The following GPHN variants were observed in gnomAD, a reference collection of about 807,000 sequenced individuals.
GPHN encodes gephyrin.
In GPHN, 17 loss-of-function variants were observed where a neutral mutation model predicts 95.5. The observed-to-expected ratio is 0.18, with a 90% CI of 0.12 to 0.27. The LOEUF is 0.27. Ranked by LOEUF, GPHN falls within the 10% of genes least tolerant of loss-of-function variation. GPHN has a pLI of 1.00. For synonymous variants in GPHN, 320 were observed against 322.5 expected (o/e 0.99, Z 0.08); for missense variants, 660 against 978.1 (o/e 0.67, Z 4.34).
the GPHN span, chr14:67,395,402 T>G: frequency 6.2e-7 from 1 of 1,613,536 alleles, no homozygotes; most frequent in Non-Finnish European, 8.5e-7. Flanking sequence ...GGGCACTCAC[T>G]GCAGGCTGAT....
intron 3 of GPHN, among the ~76,000 whole-genome samples, chr14:66,813,168 A>G (rs1016550738): frequency 3.9e-5 from 6 of 152,202 alleles, no homozygotes; most frequent in Admixed American, 1.3e-4. Context: ...ATGTTTTGCT[A>G]ATAGTGCCTA....
At chr14:67,204,578 C>A in the GPHN span, 1 of 1,613,440 alleles carries the variant, frequency 6.2e-7, no homozygotes, top group Non-Finnish European at 8.5e-7. Context: ...GTGCATGATG[C>A]GGAGAACATG....
At chr14:67,593,980 A>G in the GPHN span, 2 of 1,480,062 alleles carry the variant, frequency 1.4e-6, no homozygotes, top group African/African-American at 2.8e-5. Context: ...CACAGACAGT[A>G]AGATTACCAA....
the GPHN span, chr14:67,349,013 GT>G: frequency 6.2e-7 from 1 of 1,607,090 alleles, no homozygotes; most frequent in South Asian, 1.1e-5. Context: ...TCCCCAAAGG[GT>G]TTCTAAAAGG....
the GPHN span, among the ~76,000 whole-genome samples, chr14:67,424,681 C>T: frequency 1.4e-3 from 217 of 151,992 alleles, no homozygotes; most frequent in African/African-American, 4.7e-3. Flanking sequence ...TCTCAGCATC[C>T]GGCATTCTCC....
chr14:67,074,390 T>TG (rs1457250161), intron 11 of GPHN, among the ~76,000 whole-genome samples: 10 of 152,126 alleles, frequency 6.6e-5, no homozygotes, highest in Non-Finnish European at 1.3e-4. Context: ...TGTTATTATT[T>TG]GGGGGCACCA....
chr14:67,518,359 G>A, the GPHN span, among the ~76,000 whole-genome samples: 1 of 152,204 alleles, frequency 6.6e-6, no homozygotes, highest in African/African-American at 2.4e-5. Context: ...CTGCAAAATG[G>A]AAATGGCAAT....
At chr14:66,580,531 A>G (rs971010895) in intron 1 of GPHN, among the ~76,000 whole-genome samples, 4 of 151,864 alleles carry the variant, frequency 2.6e-5, no homozygotes, top group East Asian at 1.9e-4. Context: ...TCACTGGAAT[A>G]TGAAGGATCA....
the GPHN span, among the ~76,000 whole-genome samples, chr14:67,198,735 G>A: frequency 3.9e-5 from 6 of 152,148 alleles, no homozygotes; most frequent in East Asian, 1.9e-4. Context: ...AGATGGTGTC[G>A]GGGAGAAAAG....
the GPHN span, among the ~76,000 whole-genome samples, chr14:67,207,333 G>C: frequency 1.3e-5 from 2 of 152,166 alleles, no homozygotes; most frequent in African/African-American, 2.4e-5. Context: ...TGGCCAGAGA[G>C]AGAGCAAAAG....
the GPHN span, chr14:67,586,653 G>T: frequency 4.4e-6 from 2 of 456,076 alleles, no homozygotes; most frequent in Non-Finnish European, 7.4e-6. Context: ...CTGATTTATT[G>T]TTCCTGACTC....
At chr14:67,267,550 A>G in the GPHN span, among the ~76,000 whole-genome samples, 22 of 152,224 alleles carry the variant, frequency 1.4e-4, no homozygotes, top group Non-Finnish European at 2.1e-4. Flanking sequence ...TGCACCCAGC[A>G]AAATTCAGTA....
At chr14:66,748,663 G>T (rs2058254354) in intron 2 of GPHN, among the ~76,000 whole-genome samples, 2 of 151,936 alleles carry the variant, frequency 1.3e-5, no homozygotes. Flanking sequence ...AATTGTTTCT[G>T]ATTTTGGATT....
the GPHN span, among the ~76,000 whole-genome samples, chr14:67,390,303 G>T: frequency 6.6e-6 from 1 of 152,188 alleles, no homozygotes; most frequent in African/African-American, 2.4e-5. Flanking sequence ...ATCTTTGAAT[G>T]GAAAGTGTGG....
chr14:67,692,716 G>A, the GPHN span: 1 of 1,183,050 alleles, frequency 8.5e-7, no homozygotes, highest in Non-Finnish European at 1.2e-6. Context: ...CACAACAGAG[G>A]TATCTGATTA....
intron 6 of GPHN, among the ~76,000 whole-genome samples, chr14:66,920,045 G>A (rs931632085): frequency 1.3e-5 from 2 of 152,074 alleles, no homozygotes; most frequent in Admixed American, 6.5e-5. Flanking sequence ...CAGCCTGGGC[G>A]ACAGAATGAG....
chr14:66,945,586 A>C (rs1026444968), intron 8 of GPHN, among the ~76,000 whole-genome samples: 2 of 152,200 alleles, frequency 1.3e-5, no homozygotes, highest in Non-Finnish European at 2.9e-5. Flanking sequence ...GAAAGTATTC[A>C]TGTAATCAAA....
chr14:67,563,290 C>T, the GPHN span, among the ~76,000 whole-genome samples: 2 of 152,216 alleles, frequency 1.3e-5, no homozygotes, highest in Non-Finnish European at 2.9e-5. Context: ...CTCTGTGCCT[C>T]AGCTTCCCTG....
At chr14:67,414,249 A>G in the GPHN span, among the ~76,000 whole-genome samples, 1 of 152,200 alleles carries the variant, frequency 6.6e-6, no homozygotes, top group Non-Finnish European at 1.5e-5. Context: ...GCCAGGAAGA[A>G]GTTAAGGCAC....
Sources: gnomAD v4.1 joint callset for allele counts (sites outside exome capture counted in the v4.1 genomes callset) on GRCh38, gnomAD v4.1.1 for gene constraint, MANE v1.5 for transcripts, NCBI Gene and HGNC (gene_info 2026-07-23, HGNC 2026-07-21) for gene names.